ESRRG: variants seen among roughly 807,000 people sequenced by gnomAD.
The protein encoded by ESRRG is estrogen related receptor gamma, also known as estrogen-related receptor gamma.
In ESRRG, 13 loss-of-function variants were observed where a neutral mutation model predicts 44.0. That is an observed-to-expected ratio of 0.30 (90% CI 0.19 to 0.47). The LOEUF is 0.47. ESRRG is among the 20% of genes least tolerant of loss of function. The pLI is 1.00. For missense variants in ESRRG, 395 were observed against 580.6 expected (o/e 0.68, Z 3.29); for synonymous variants, 215 against 214.6 (o/e 1.00, Z -0.02).
At chr1:216,857,775 C>A (rs2095976131) in intron 2 of ESRRG, among the ~76,000 whole-genome samples, 1 of 150,134 alleles carries the variant, frequency 6.7e-6, no homozygotes, top group African/African-American at 2.5e-5. Flanking sequence ...GATTCATTCA[C>A]CAAAAATGAC....
In ESRRG at chr1:216,978,330, CAG is replaced by C. The variant is rs772428637; in HGVS notation, c.-105-38659_-105-38658del. Among the ~76,000 whole-genome samples, 132 of 152,146 alleles carry C rather than the reference CAG, an allele frequency of 8.7e-4. 2 individuals carry two copies. The highest frequency in any genetic ancestry group is 1.2e-3 in the Non-Finnish European group (84 of 68,014). On this transcript the variant is annotated intron_variant, in intron 1 of 7. Coordinates refer to the ESRRG transcript ENST00000359162. ...ATGGCAGAGTTGAGTAGCTGTGAAA[CAG>C]AGACTATATAGCTGGCAAGGCAGAA...
At chr1:217,004,568 A>C (rs545238754) in intron 1 of ESRRG, among the ~76,000 whole-genome samples, 1 of 152,292 alleles carries the variant, frequency 6.6e-6, no homozygotes, top group African/African-American at 2.4e-5. Flanking sequence ...TGTCTTTATT[A>C]GCGTGAAAAC....
chr1:216,606,636 G>A (rs1048761797), intron 3 of ESRRG, among the ~76,000 whole-genome samples: 7 of 152,046 alleles, frequency 4.6e-5, no homozygotes, highest in African/African-American at 1.7e-4. Flanking sequence ...GAACGCAAGG[G>A]TACAGAAGAT....
intron 1 of ESRRG, chr1:217,076,830 T>C (rs1442725831): frequency 6.6e-6 from 1 of 152,144 alleles, no homozygotes; most frequent in Non-Finnish European, 1.5e-5. Flanking sequence ...TTCCTTTTTG[T>C]TTCTAAAATA....
At chr1:216,670,076 A>C (rs2074852404) in intron 2 of ESRRG, among the ~76,000 whole-genome samples, 1 of 152,218 alleles carries the variant, frequency 6.6e-6, no homozygotes, top group South Asian at 2.1e-4. Flanking sequence ...GCTACCAATT[A>C]CTATAAACTG....
intron 5 of ESRRG, among the ~76,000 whole-genome samples, chr1:216,548,593 G>T (rs987404811): frequency 2.0e-5 from 3 of 151,874 alleles, no homozygotes; most frequent in Non-Finnish European, 2.9e-5. Flanking sequence ...ATCTTTACTG[G>T]ATTACTCTAC....
At chr1:217,035,122 A>G (rs2082654201) in intron 1 of ESRRG, among the ~76,000 whole-genome samples, 1 of 152,092 alleles carries the variant, frequency 6.6e-6, no homozygotes, top group Admixed American at 6.6e-5. Flanking sequence ...GAGTTTCATC[A>G]TTGTTGAAGT....
At chr1:216,784,886 A>G (rs2094068325) in intron 2 of ESRRG, among the ~76,000 whole-genome samples, 1 of 152,066 alleles carries the variant, frequency 6.6e-6, no homozygotes, top group Non-Finnish European at 1.5e-5. Context: ...TAATTTGACC[A>G]TCCCTCTTTA....
chr1:216,595,084 C>T (rs1402204686), intron 3 of ESRRG, among the ~76,000 whole-genome samples: 1 of 152,152 alleles, frequency 6.6e-6, no homozygotes, highest in African/African-American at 2.4e-5. Flanking sequence ...AATCTATCTC[C>T]CTTGCTCTAT....
intron 1 of ESRRG, 78 bp downstream of exon 1, chr1:216,723,166 G>A: frequency 8.3e-7 from 1 of 1,200,890 alleles, no homozygotes; most frequent in Admixed American, 1.7e-5. Context: ...CTGAATCAGT[G>A]TGTAAAGATA....
At chr1:217,056,455 G>A (rs530235006) in intron 1 of ESRRG, among the ~76,000 whole-genome samples, 12 of 151,960 alleles carry the variant, frequency 7.9e-5, no homozygotes, top group Admixed American at 1.3e-4. Flanking sequence ...GCAAAAGTAT[G>A]CAAGACTTTT....
At chr1:216,963,222 A>C (rs947750858) in intron 1 of ESRRG, among the ~76,000 whole-genome samples, 6 of 152,176 alleles carry the variant, frequency 3.9e-5, no homozygotes, top group Admixed American at 3.3e-4. Context: ...AGTCTATGAA[A>C]TTATAGTGAA....
chr1:217,043,015 T>C (rs1242353725), intron 1 of ESRRG, among the ~76,000 whole-genome samples: 3 of 152,176 alleles, frequency 2.0e-5, no homozygotes, highest in Non-Finnish European at 2.9e-5. Context: ...CTCAAACATG[T>C]TAAAATGCAT....
intron 2 of ESRRG, among the ~76,000 whole-genome samples, chr1:216,768,835 G>T (rs531154725): frequency 6.6e-6 from 1 of 152,140 alleles, no homozygotes; most frequent in South Asian, 2.1e-4. Flanking sequence ...ATACAAGGAA[G>T]CTCAACCTCA....
At chr1:216,659,008 T>A (rs2071531849) in intron 2 of ESRRG, among the ~76,000 whole-genome samples, 2 of 152,210 alleles carry the variant, frequency 1.3e-5, no homozygotes, top group South Asian at 4.1e-4. Context: ...CTTGAACTAG[T>A]TGCCTTTGTT....
chr1:216,801,468 C>T (rs1315328959), intron 2 of ESRRG, among the ~76,000 whole-genome samples: 1 of 152,164 alleles, frequency 6.6e-6, no homozygotes, highest in East Asian at 1.9e-4. Context: ...TTCTTTATCA[C>T]TCTGTATTCA....
intron 2 of ESRRG, among the ~76,000 whole-genome samples, chr1:216,918,953 T>TCA (rs2061505224): frequency 6.6e-6 from 1 of 151,258 alleles, no homozygotes; most frequent in African/African-American, 2.4e-5. Flanking sequence ...ACTACCTGCA[T>TCA]CACACACTTA....
At chr1:217,125,883 T>G (rs2092882818) in intron 1 of ESRRG, among the ~76,000 whole-genome samples, 2 of 152,226 alleles carry the variant, frequency 1.3e-5, no homozygotes, top group African/African-American at 4.8e-5. Context: ...AGATCCCTGA[T>G]GCTTGAATTT....
chr1:217,127,539 C>A (rs1286171499), intron 1 of ESRRG, among the ~76,000 whole-genome samples: 1 of 152,204 alleles, frequency 6.6e-6, no homozygotes, highest in African/African-American at 2.4e-5. Flanking sequence ...TGATTCAATA[C>A]AGAGATTCAG....
Sources: allele counts gnomAD v4.1 joint callset (sites outside exome capture counted in the v4.1 genomes callset), GRCh38; gene constraint gnomAD v4.1.1; transcripts MANE v1.5; gene names NCBI Gene and HGNC (gene_info 2026-07-23, HGNC 2026-07-21).